The following RUNDC3B variants were observed in gnomAD, a reference collection of about 807,000 sequenced individuals.
RUNDC3B encodes RUN domain-containing protein 3B.
In RUNDC3B, 33 loss-of-function variants were observed where a neutral mutation model predicts 58.4. The ratio of observed to expected loss-of-function variants is 0.56; its 90% CI spans 0.43 to 0.75. The LOEUF is 0.75. Ranked by LOEUF, RUNDC3B falls within the 30% of genes least tolerant of loss-of-function variation. RUNDC3B has a pLI of 0.00. For missense variants in RUNDC3B, 501 were observed against 535.7 expected (o/e 0.94, Z 0.64); for synonymous variants, 193 against 195.2 (o/e 0.99, Z 0.10).
intron 4 of RUNDC3B, among the ~76,000 whole-genome samples, chr7:87,725,410 G>A (rs1340577786): frequency 7.2e-5 from 11 of 152,180 alleles, no homozygotes; most frequent in Admixed American, 2.0e-4. Context: ...TCCCTACAAA[G>A]GACATGAACT....
chr7:87,807,463 C>T lies in RUNDC3B; in HGVS notation c.1047C>T (p.Val349=). 1 of 1,613,224 alleles carries T rather than the reference C, an allele frequency of 6.2e-7. No individual in the cohort carries two copies. The highest frequency in any genetic ancestry group is 8.5e-7 in the Non-Finnish European group (1 of 1,179,238). ...GGCCTTCTCCAGGAGCTCTGGATGT[C>T]AATGCTGTTGCCTTGGATACGTTGC... ...NQWPSPGALD[V]NAVALDTLLY... is the part of the protein sequence containing the mutation. Residue 349 remains valine (V), a synonymous_variant, in exon 9 of 11, where the codon GTC becomes GTT. Transcript: ENST00000394654.
chr7:87,797,112 A>G (rs1835863303), intron 8 of RUNDC3B, among the ~76,000 whole-genome samples: 1 of 152,182 alleles, frequency 6.6e-6, no homozygotes, highest in Non-Finnish European at 1.5e-5. Context: ...ACAGTAACGG[A>G]AAAGTTTGGG....
intron 4 of RUNDC3B, among the ~76,000 whole-genome samples, chr7:87,711,152 C>T (rs1830044842): frequency 6.6e-6 from 1 of 151,946 alleles, no homozygotes; most frequent in Non-Finnish European, 1.5e-5. Flanking sequence ...CATGGATAAA[C>T]CCCGTCTCTA....
At chr7:87,648,579 A>G (rs1364399120) in intron 1 of RUNDC3B, among the ~76,000 whole-genome samples, 1 of 152,172 alleles carries the variant, frequency 6.6e-6, no homozygotes, top group Non-Finnish European at 1.5e-5. Flanking sequence ...TATAAATGAG[A>G]AGAATGAGGC....
chr7:87,659,126 C>T (rs1406329424), intron 2 of RUNDC3B: 5 of 324,126 alleles, frequency 1.5e-5, no homozygotes, highest in Middle Eastern at 1.6e-3. Context: ...CATGCCACTG[C>T]AATCTAGCCT....
intron 1 of RUNDC3B, among the ~76,000 whole-genome samples, chr7:87,641,511 C>A (rs1822449817): frequency 6.6e-6 from 1 of 152,150 alleles, no homozygotes; most frequent in Admixed American, 6.5e-5. Context: ...TAGCACCCTT[C>A]CTCCAGCAAG....
chr7:87,813,362 G>A (rs1421582640), intron 9 of RUNDC3B, among the ~76,000 whole-genome samples: 1 of 152,106 alleles, frequency 6.6e-6, no homozygotes, highest in Non-Finnish European at 1.5e-5. Flanking sequence ...TCCCTGCAGT[G>A]GGTTGTAGTG....
intron 4 of RUNDC3B, among the ~76,000 whole-genome samples, chr7:87,739,565 A>G (rs912130237): frequency 6.6e-6 from 1 of 151,932 alleles, no homozygotes; most frequent in Non-Finnish European, 1.5e-5. Flanking sequence ...TCTTTTTGTT[A>G]TATTGGCAGG....
At chr7:87,749,787 G>T (rs1273892358) in intron 6 of RUNDC3B, among the ~76,000 whole-genome samples, 1 of 151,910 alleles carries the variant, frequency 6.6e-6, no homozygotes, top group Admixed American at 6.6e-5. Flanking sequence ...AAGAAAAGCT[G>T]CTAGAAACAT....
At chr7:87,819,121 G>T (rs1247676300) in intron 10 of RUNDC3B, among the ~76,000 whole-genome samples, 1 of 152,132 alleles carries the variant, frequency 6.6e-6, no homozygotes, top group African/African-American at 2.4e-5. Flanking sequence ...CGGGCTCTCT[G>T]CTGAGTCCTG....
At chr7:87,687,316 A>T (rs1467611686) in intron 2 of RUNDC3B, among the ~76,000 whole-genome samples, 1 of 152,140 alleles carries the variant, frequency 6.6e-6, no homozygotes, top group Non-Finnish European at 1.5e-5. Flanking sequence ...TTCTTCTAGT[A>T]TCTGAATGGT....
intron 8 of RUNDC3B, among the ~76,000 whole-genome samples, chr7:87,793,399 T>C (rs1835634223): frequency 1.3e-5 from 2 of 152,116 alleles, no homozygotes; most frequent in Admixed American, 1.3e-4. Context: ...CCAATGTCTC[T>C]GAAGAACATT....
At chr7:87,643,890 G>A (rs748936001) in intron 1 of RUNDC3B, among the ~76,000 whole-genome samples, 6 of 151,558 alleles carry the variant, frequency 4.0e-5, no homozygotes, top group Non-Finnish European at 2.9e-5. Context: ...GTTTGTTTCC[G>A]CTCTTTCACC....
intron 7 of RUNDC3B, among the ~76,000 whole-genome samples, chr7:87,776,467 ATTGT>A (rs1361541243): frequency 2.6e-5 from 4 of 152,132 alleles, no homozygotes; most frequent in Non-Finnish European, 5.9e-5. Context: ...TAAACAACGT[ATTGT>A]TTAAGATGAC....
chr7:87,731,937 A>G (rs139470466), intron 4 of RUNDC3B, among the ~76,000 whole-genome samples: 1 of 152,210 alleles, frequency 6.6e-6, no homozygotes, highest in Non-Finnish European at 1.5e-5. Context: ...TGTTGCACAG[A>G]ATATTTTATC....
chr7:87,742,152 T>C (rs1242662547), intron 6 of RUNDC3B, among the ~76,000 whole-genome samples: 1 of 152,182 alleles, frequency 6.6e-6, no homozygotes, highest in African/African-American at 2.4e-5. Context: ...CATCTATGTA[T>C]GTTTCTAAGG....
intron 10 of RUNDC3B, among the ~76,000 whole-genome samples, chr7:87,818,411 CAAAAA>C (rs1313872537): frequency 6.6e-6 from 1 of 152,008 alleles, no homozygotes; most frequent in Admixed American, 6.5e-5. Flanking sequence ...TAATAGACTA[CAAAAA>C]ACTGGTGATC....
rs1397553721 is a variant in RUNDC3B at position 87,751,475 on chromosome 7, T to C, written c.629+9896T>C. Among the ~76,000 whole-genome samples the C allele has an allele frequency of 9.9e-5, 15 of 152,218 alleles. 1 individual carries two copies. The South Asian group carries it at 2.9e-3, about 29-fold the overall frequency. On this transcript the variant is annotated intron_variant, in intron 6 of 10. Transcript: ENST00000394654. ...AATCTGTAAATTACCTTGGGCAATA[T>C]GGCCATTTTCACGATGTTGATTCTT...
At chr7:87,761,195 A>G (rs1027135079) in intron 6 of RUNDC3B, among the ~76,000 whole-genome samples, 3 of 151,966 alleles carry the variant, frequency 2.0e-5, no homozygotes, top group Non-Finnish European at 2.9e-5. Flanking sequence ...TCCAAGGAAG[A>G]TGTACAGTGG....
Sources: gnomAD v4.1 joint callset for allele counts (sites outside exome capture counted in the v4.1 genomes callset) on GRCh38, gnomAD v4.1.1 for gene constraint, MANE v1.5 for transcripts, NCBI Gene and HGNC (gene_info 2026-07-23, HGNC 2026-07-21) for gene names.